The following GAS7 variants were observed in gnomAD, a reference collection of about 807,000 sequenced individuals.
The protein encoded by GAS7 is growth arrest-specific protein 7.
GAS7 carries 28 observed loss-of-function variants against 71.1 expected under a neutral mutation model. The ratio of observed to expected loss-of-function variants is 0.39; its 90% CI spans 0.29 to 0.54. The LOEUF (loss-of-function observed/expected upper bound fraction) is 0.54. Ranked by LOEUF, GAS7 falls within the 20% of genes least tolerant of loss-of-function variation. GAS7 has a pLI of 0.62. For missense variants in GAS7, 436 were observed against 627.8 expected (o/e 0.69, Z 3.27); for synonymous variants, 258 against 245.8 (o/e 1.05, Z -0.46).
intron 1 of GAS7, among the ~76,000 whole-genome samples, chr17:10,105,800 C>T (rs1376423281): frequency 6.6e-6 from 1 of 152,178 alleles, no homozygotes; most frequent in East Asian, 1.9e-4. Flanking sequence ...CTCTACCCCA[C>T]CTCTCCACCC....
At chr17:10,093,903 A>G (rs892854828) in intron 1 of GAS7, among the ~76,000 whole-genome samples, 1 of 152,180 alleles carries the variant, frequency 6.6e-6, no homozygotes, top group Non-Finnish European at 1.5e-5. Context: ...GCCACTCCCA[A>G]GAAATCAGAC....
intron 1 of GAS7, among the ~76,000 whole-genome samples, chr17:10,140,946 G>A (rs558968295): frequency 4.7e-4 from 72 of 152,370 alleles, no homozygotes; most frequent in Non-Finnish European, 9.1e-4. Flanking sequence ...CCCCCAAGCA[G>A]GGAGTGGGAC....
At chr17:10,174,156 C>A (rs1203948837) in intron 1 of GAS7, among the ~76,000 whole-genome samples, 2 of 152,174 alleles carry the variant, frequency 1.3e-5, no homozygotes, top group African/African-American at 4.8e-5. Flanking sequence ...TGGAGGGTGA[C>A]AACGTTCAAA....
intron 1 of GAS7, among the ~76,000 whole-genome samples, chr17:10,116,275 C>T (rs768326210): frequency 6.6e-5 from 10 of 151,474 alleles, no homozygotes; most frequent in Non-Finnish European, 1.5e-4. Flanking sequence ...GATTGTACCA[C>T]TGCACTCCAG....
Position 9,916,158 on chromosome 17 carries a change from G to A in GAS7, c.*1070C>T, listed in dbSNP as rs1055116044. 4.3e-6 allele frequency: 1 copy of A among 232,984 alleles called. No individual in the cohort carries two copies. The highest frequency in any genetic ancestry group is 2.2e-5 in the African/African-American group (1 of 45,324). 14.4% of individuals were successfully genotyped at this position (232,984 alleles called of 1,614,324 possible). On this transcript the variant is annotated 3_prime_UTR_variant, in exon 14 of 14. Coordinates refer to ENST00000432992, the MANE Select transcript of GAS7 (RefSeq NM_201433.2). ...AACTGTACAAGGGACAGCAGTCCCA[G>A]CCCTGCCATACACAAGAAGACAGAG...
intron 7 of GAS7, 36 bp downstream of exon 7, chr17:9,943,085 G>A (rs773637193): frequency 5.1e-6 from 7 of 1,371,400 alleles, no homozygotes; most frequent in Non-Finnish European, 7.3e-6. Context: ...GAACACTGGT[G>A]CCAGGCCCCA....
chr17:10,098,335 C>T (rs2073665098), intron 1 of GAS7, among the ~76,000 whole-genome samples: 1 of 152,226 alleles, frequency 6.6e-6, no homozygotes, highest in Admixed American at 6.5e-5. Context: ...CCACAACTCT[C>T]CACTCACCCC....
intron 1 of GAS7, among the ~76,000 whole-genome samples, chr17:10,159,963 G>A (rs200073915): frequency 6.9e-6 from 1 of 145,644 alleles, no homozygotes; most frequent in Non-Finnish European, 1.5e-5. Flanking sequence ...TTTTTTTGTA[G>A]AGACAGGGTT....
intron 1 of GAS7, among the ~76,000 whole-genome samples, chr17:10,147,994 T>C (rs2074134240): frequency 6.6e-6 from 1 of 152,080 alleles, no homozygotes; most frequent in Non-Finnish European, 1.5e-5. Flanking sequence ...AAAATCAAGA[T>C]GATGGAAATA....
intron 1 of GAS7, among the ~76,000 whole-genome samples, chr17:10,170,228 T>A (rs1451801594): frequency 1.3e-5 from 2 of 151,526 alleles, no homozygotes; most frequent in Non-Finnish European, 2.9e-5. Flanking sequence ...CTGGCTCAAG[T>A]CACTCCTCTG....
chr17:10,093,415 C>T (rs991430681), intron 1 of GAS7, among the ~76,000 whole-genome samples: 2 of 151,574 alleles, frequency 1.3e-5, no homozygotes, highest in African/African-American at 4.9e-5. Context: ...ACTAAACATA[C>T]AAAAATTAGC....
At chr17:10,035,525 G>A (rs556440650) in intron 1 of GAS7, among the ~76,000 whole-genome samples, 159 of 152,294 alleles carry the variant, frequency 1.0e-3, no homozygotes, top group African/African-American at 3.5e-3. Flanking sequence ...TGGCACTGTG[G>A]GAACAGGAAG....
chr17:10,046,562 C>T (rs964468083), intron 1 of GAS7, among the ~76,000 whole-genome samples: 1 of 151,330 alleles, frequency 6.6e-6, no homozygotes, highest in African/African-American at 2.4e-5. Context: ...ATAGTGAAAC[C>T]TCGTCTCTAC....
intron 1 of GAS7, chr17:10,059,715 T>C (rs1354994051): frequency 2.3e-5 from 23 of 985,342 alleles, no homozygotes; most frequent in African/African-American, 8.7e-5. Flanking sequence ...TGTGTCCTTA[T>C]GCAAATCTGA....
At chr17:10,116,615 T>C (rs897010368) in intron 1 of GAS7, among the ~76,000 whole-genome samples, 1 of 152,044 alleles carries the variant, frequency 6.6e-6, no homozygotes, top group African/African-American at 2.4e-5. Context: ...GGGTCTGAAG[T>C]GGACTTAGAG....
In GAS7 at chr17:9,934,064, C is replaced by G; in HGVS notation, c.885+102G>C. 5 of 806,278 alleles carry G rather than the reference C, an allele frequency of 6.2e-6. No homozygotes were observed. The South Asian group carries it at 7.1e-5, about 11-fold the overall frequency. The allele number at this position is 806,278 out of a possible 1,614,324, so 49.9% of individuals were successfully genotyped here. A position where few individuals can be genotyped will look rare whatever the true frequency, so the allele number is the denominator to read the frequency against. Reference sequence around the variant, plus strand: ...TCATGTTGATAGCCTGAAGTTTACACCAGGGAAAATGGCAAACGGCAAACT... The same window carrying G: ...TCATGTTGATAGCCTGAAGTTTACAGCAGGGAAAATGGCAAACGGCAAACT... On this transcript the variant is annotated intron_variant, in intron 9 of 13. Coordinates refer to ENST00000432992, the MANE Select transcript of GAS7 (RefSeq NM_201433.2).
intron 1 of GAS7, among the ~76,000 whole-genome samples, chr17:10,104,368 T>C (rs888682432): frequency 3.9e-5 from 6 of 152,212 alleles, no homozygotes; most frequent in African/African-American, 1.4e-4. Flanking sequence ...GATCATCCTC[T>C]GTGTGTTCTT....
chr17:10,116,570 A>G (rs2073863606), intron 1 of GAS7, among the ~76,000 whole-genome samples: 2 of 152,124 alleles, frequency 1.3e-5, no homozygotes, highest in South Asian at 4.1e-4. Flanking sequence ...CTGCCAGGGA[A>G]GTCACTTACA....
intron 1 of GAS7, among the ~76,000 whole-genome samples, chr17:10,085,362 C>T (rs2073505741): frequency 6.6e-6 from 1 of 152,104 alleles, no homozygotes; most frequent in African/African-American, 2.4e-5. Context: ...CCTCCATCCC[C>T]TAGGCCTGCT....
Sources: gnomAD v4.1 joint callset for allele counts (sites outside exome capture counted in the v4.1 genomes callset) on GRCh38, gnomAD v4.1.1 for gene constraint, MANE v1.5 for transcripts, NCBI Gene and HGNC (gene_info 2026-07-23, HGNC 2026-07-21) for gene names.